Variants in AFG2A observed in about 807,000 individuals in gnomAD.
AFG2A encodes the protein ATPase family gene 2 protein homolog A.
chr4:122,934,436 T>C, the AFG2A span: 4 of 1,614,256 alleles, frequency 2.5e-6, no homozygotes, highest in South Asian at 1.1e-5. Context: ...AGTGGACTTA[T>C]GCTAGAGGAA....
the AFG2A span, among the ~76,000 whole-genome samples, chr4:123,300,276 C>T: frequency 6.6e-6 from 1 of 152,180 alleles, no homozygotes; most frequent in South Asian, 2.1e-4. Context: ...CTTTATTCTC[C>T]ACCTTGGCCT....
At chr4:123,015,536 G>T in the AFG2A span, among the ~76,000 whole-genome samples, 1 of 151,666 alleles carries the variant, frequency 6.6e-6, no homozygotes, top group Non-Finnish European at 1.5e-5. Context: ...CAAGGCAGAA[G>T]AATTTTTCTT....
chr4:123,020,298 A>G, the AFG2A span, among the ~76,000 whole-genome samples: 1 of 152,154 alleles, frequency 6.6e-6, no homozygotes, highest in Admixed American at 6.5e-5. Context: ...TATTATGGAT[A>G]ATATAGAAAT....
the AFG2A span, among the ~76,000 whole-genome samples, chr4:123,213,913 C>T: frequency 4.6e-5 from 7 of 152,296 alleles, no homozygotes; most frequent in Admixed American, 4.6e-4. Context: ...GTAAGTCTAT[C>T]TCTTTCTCTT....
At chr4:123,079,745 CTTTTTT>C in the AFG2A span, among the ~76,000 whole-genome samples, 1 of 72,660 alleles carries the variant, frequency 1.4e-5, no homozygotes, top group East Asian at 4.2e-4. Context: ...TCTTTTCCTT[CTTTTTT>C]TTTTTTTTTT....
At chr4:123,137,026 G>T in the AFG2A span, among the ~76,000 whole-genome samples, 1 of 152,096 alleles carries the variant, frequency 6.6e-6, no homozygotes, top group East Asian at 1.9e-4. Context: ...TTCAGATCAG[G>T]CATTAGATTC....
the AFG2A span, among the ~76,000 whole-genome samples, chr4:123,052,256 G>A: frequency 5.3e-3 from 800 of 151,636 alleles, 7 homozygotes; most frequent in African/African-American, 0.018. Context: ...TTTTCATTTT[G>A]CTCATTGTAT....
At chr4:123,094,239 A>G in the AFG2A span, among the ~76,000 whole-genome samples, 7 of 152,284 alleles carry the variant, frequency 4.6e-5, no homozygotes, top group South Asian at 1.5e-3. Context: ...GGAAACGGCA[A>G]CACTTTATTT....
chr4:122,955,836 G>T, the AFG2A span, among the ~76,000 whole-genome samples: 1 of 152,196 alleles, frequency 6.6e-6, no homozygotes. Flanking sequence ...CTCTAGGACT[G>T]GGTCTCACTC....
chr4:123,289,416 G>A, the AFG2A span, among the ~76,000 whole-genome samples: 2 of 152,070 alleles, frequency 1.3e-5, no homozygotes, highest in South Asian at 2.1e-4. Context: ...CTTATTGGTC[G>A]ATGGGCACTT....
chr4:123,054,706 A>G, the AFG2A span, among the ~76,000 whole-genome samples: 1 of 152,042 alleles, frequency 6.6e-6, no homozygotes, highest in African/African-American at 2.4e-5. Flanking sequence ...TGACAGTGCA[A>G]GACTTCATCT....
chr4:123,232,552 T>C, the AFG2A span, among the ~76,000 whole-genome samples: 1 of 151,986 alleles, frequency 6.6e-6, no homozygotes, highest in Non-Finnish European at 1.5e-5. Context: ...GAGGGACAGA[T>C]TTGAGTCAGC....
At chr4:123,223,491 C>T in the AFG2A span, among the ~76,000 whole-genome samples, 2 of 152,132 alleles carry the variant, frequency 1.3e-5, no homozygotes, top group African/African-American at 2.4e-5. Context: ...ATCCAGGAAA[C>T]ATGGCTGGGG....
At chr4:123,132,444 C>T in the AFG2A span, among the ~76,000 whole-genome samples, 3 of 151,724 alleles carry the variant, frequency 2.0e-5, no homozygotes, top group African/African-American at 4.8e-5. Context: ...TCCATGTTGT[C>T]GCAAATGGCA....
At chr4:123,220,070 C>T in the AFG2A span, among the ~76,000 whole-genome samples, 420 of 152,052 alleles carry the variant, frequency 2.8e-3, 1 homozygote, top group African/African-American at 9.6e-3. Flanking sequence ...GGGGTTTCAC[C>T]ATGTTGGCCG....
the AFG2A span, among the ~76,000 whole-genome samples, chr4:123,049,861 T>C: frequency 6.6e-6 from 1 of 152,044 alleles, no homozygotes; most frequent in African/African-American, 2.4e-5. Flanking sequence ...ATTTTGGGTT[T>C]GGTTTGTTCT....
At chr4:123,253,403 G>A in the AFG2A span, among the ~76,000 whole-genome samples, 7 of 151,604 alleles carry the variant, frequency 4.6e-5, no homozygotes, top group East Asian at 3.9e-4. Flanking sequence ...AGAATTGCTC[G>A]AACCCAGGAG....
chr4:122,984,574 A>G, the AFG2A span, among the ~76,000 whole-genome samples: 2 of 152,252 alleles, frequency 1.3e-5, no homozygotes, highest in African/African-American at 2.4e-5. Flanking sequence ...TCAGTATTAC[A>G]TTGGCTGTGG....
At chr4:123,257,788 G>C in the AFG2A span, among the ~76,000 whole-genome samples, 1 of 152,174 alleles carries the variant, frequency 6.6e-6, no homozygotes, top group Non-Finnish European at 1.5e-5. Context: ...CACTTGAGCC[G>C]AGTAAACTAG....
Sources: allele counts gnomAD v4.1 joint callset (sites outside exome capture counted in the v4.1 genomes callset), GRCh38; gene constraint gnomAD v4.1.1; transcripts MANE v1.5; gene names NCBI Gene and HGNC (gene_info 2026-07-23, HGNC 2026-07-21).